Variants in CABIN1 observed in about 807,000 individuals in gnomAD.
CABIN1 encodes calcineurin binding protein 1.
A neutral mutation model predicts 227.7 loss-of-function variants in CABIN1; 133 were observed. The ratio of observed to expected loss-of-function variants is 0.58; its 90% CI spans 0.51 to 0.67. The LOEUF is 0.67. Ranked by LOEUF, CABIN1 falls within the 30% of genes least tolerant of loss-of-function variation. CABIN1 has a pLI of 0.00. For synonymous variants in CABIN1, 1,086 were observed against 1,155.1 expected, an observed-to-expected ratio of 0.94 and a Z score of 1.21; for missense variants, 2,408 against 2,852.5, an observed-to-expected ratio of 0.84 and a Z score of 3.55.
intron 16 of CABIN1, among the ~76,000 whole-genome samples, chr22:24,068,200 G>C (rs546743834): frequency 1.3e-5 from 2 of 152,236 alleles, no homozygotes; most frequent in Non-Finnish European, 2.9e-5. Flanking sequence ...GGGGAAGCAG[G>C]AGGGAGAAGG....
intron 27 of CABIN1, 95 bp downstream of exon 27, chr22:24,113,843 G>A (rs1342109904): frequency 2.1e-5 from 29 of 1,359,448 alleles, no homozygotes; most frequent in Non-Finnish European, 3.0e-5. Context: ...ACCTTGGCTG[G>A]GCAAGTCACT....
At chr22:24,176,840 G>A (rs1601320245) in intron 35 of CABIN1, among the ~76,000 whole-genome samples, 1 of 152,236 alleles carries the variant, frequency 6.6e-6, no homozygotes, top group Non-Finnish European at 1.5e-5. Context: ...AGACCACTTG[G>A]GATGGCAGGA....
chr22:24,027,022 A>G (rs147667582), intron 1 of CABIN1, among the ~76,000 whole-genome samples: 144 of 152,326 alleles, frequency 9.5e-4, no homozygotes, highest in Middle Eastern at 3.4e-3. Flanking sequence ...TCAACGTGGT[A>G]TGTCTTTCCA....
intron 16 of CABIN1, 33 bp downstream of exon 16, chr22:24,067,214 G>A: frequency 6.2e-7 from 1 of 1,606,246 alleles, no homozygotes; most frequent in Non-Finnish European, 8.5e-7. Flanking sequence ...ACACCCACTT[G>A]CACCTTCTCT....
At chr22:24,125,374 G>T (rs940598825) in intron 28 of CABIN1, among the ~76,000 whole-genome samples, 5 of 152,208 alleles carry the variant, frequency 3.3e-5, no homozygotes, top group Admixed American at 2.0e-4. Flanking sequence ...CCCCCCTGTT[G>T]TGAGTACAGT....
At chr22:24,036,255 TAG>T in intron 3 of CABIN1, 74 bp downstream of exon 3, 1 of 1,062,948 alleles carries the variant, frequency 9.4e-7, no homozygotes, top group Non-Finnish European at 1.5e-6. Flanking sequence ...TAAATACATT[TAG>T]GCATCTCCTC....
At chr22:24,171,630 C>G in intron 33 of CABIN1, 83 bp from the exon 34 acceptor site, 1 of 1,527,916 alleles carries the variant, frequency 6.5e-7, no homozygotes, top group Non-Finnish European at 9.0e-7. Context: ...TCCTGTGGGA[C>G]AGCACTGGTC....
intron 29 of CABIN1, 57 bp from the exon 30 acceptor site, chr22:24,164,343 C>A (rs2148664496): frequency 6.3e-7 from 1 of 1,592,526 alleles, no homozygotes; most frequent in Non-Finnish European, 8.5e-7. Flanking sequence ...GACAGGGTGT[C>A]CCCGAGGCTC....
chr22:24,167,363 C>T (rs1472531353), intron 32 of CABIN1, 50 bp downstream of exon 32: 2 of 1,562,802 alleles, frequency 1.3e-6, no homozygotes, highest in Non-Finnish European at 8.7e-7. Context: ...GCAGCATCCC[C>T]ACTCTTGCCT....
chr22:24,019,455 G>A (rs1019931435), intron 1 of CABIN1, among the ~76,000 whole-genome samples: 4 of 151,164 alleles, frequency 2.6e-5, no homozygotes, highest in Admixed American at 6.6e-5. Context: ...GGGTTTCACC[G>A]TGTTGGCCAG....
intron 22 of CABIN1, among the ~76,000 whole-genome samples, chr22:24,086,452 G>A (rs2041171234): frequency 6.6e-6 from 1 of 152,252 alleles, no homozygotes; most frequent in Non-Finnish European, 1.5e-5. Context: ...TGCCACAGAG[G>A]CGTGGTCTCC....
At chr22:24,142,160 G>C (rs1282423298) in intron 29 of CABIN1, among the ~76,000 whole-genome samples, 2 of 152,038 alleles carry the variant, frequency 1.3e-5, no homozygotes, top group Non-Finnish European at 2.9e-5. Context: ...TGGGTACAGT[G>C]GACCCACCTT....
At chr22:24,068,486 C>T (rs1410201740) in intron 16 of CABIN1, among the ~76,000 whole-genome samples, 1 of 152,198 alleles carries the variant, frequency 6.6e-6, no homozygotes, top group Non-Finnish European at 1.5e-5. Context: ...GCAGGATACC[C>T]CATTGATGGG....
intron 16 of CABIN1, among the ~76,000 whole-genome samples, chr22:24,068,220 G>A (rs1669818573): frequency 6.6e-6 from 1 of 152,218 alleles, no homozygotes; most frequent in Admixed American, 6.5e-5. Flanking sequence ...GGGGTGGAGG[G>A]AAGGAGGCTC....
chr22:24,164,577 C>T lies in CABIN1; in HGVS notation c.4910+14C>T, dbSNP rs777239618. On this transcript the variant is annotated intron_variant, in intron 30 of 36. Coordinates refer to ENST00000263119, the MANE Select transcript of CABIN1 (RefSeq NM_012295.4). ...AGACCAGGGCAAGTGAGTGCAGCCACCCTGGACACAGCCTGGCATGCTGTG... is the reference window on the plus strand; with the variant it reads ...AGACCAGGGCAAGTGAGTGCAGCCATCCTGGACACAGCCTGGCATGCTGTG... The T allele has an allele frequency of 1.2e-6, 2 of 1,601,908 alleles. No individual in the cohort carries two copies. The highest frequency in any genetic ancestry group is 1.7e-6 in the Non-Finnish European group (2 of 1,179,814).
chr22:24,045,125 C>T (rs1335601817), intron 6 of CABIN1, among the ~76,000 whole-genome samples: 4 of 152,200 alleles, frequency 2.6e-5, no homozygotes, highest in East Asian at 1.9e-4. Flanking sequence ...AGGGTTTCAC[C>T]GTGTTAGCCA....
At chr22:24,011,436 A>C (rs978403652) in intron 1 of CABIN1, 69 bp downstream of exon 1, 1 of 152,686 alleles carries the variant, frequency 6.5e-6, no homozygotes, top group African/African-American at 2.4e-5. Context: ...AGCCCGGGGC[A>C]CAGGCCGGAG....
chr22:24,063,257 T>C (rs1172570482), intron 14 of CABIN1, 111 bp downstream of exon 14: 23 of 1,056,624 alleles, frequency 2.2e-5, no homozygotes, highest in African/African-American at 4.7e-5. Flanking sequence ...TGTGTGTGTG[T>C]GCATGCATGT....
intron 4 of CABIN1, among the ~76,000 whole-genome samples, 182 bp from the exon 5 acceptor site, chr22:24,040,957 C>T (rs955332342): frequency 6.6e-6 from 1 of 152,144 alleles, no homozygotes; most frequent in Non-Finnish European, 1.5e-5. Context: ...CTTCTCTGTG[C>T]GCTTGGAGTA....
Sources: allele counts gnomAD v4.1 joint callset (sites outside exome capture counted in the v4.1 genomes callset), GRCh38; gene constraint gnomAD v4.1.1; transcripts MANE v1.5; gene names NCBI Gene and HGNC (gene_info 2026-07-23, HGNC 2026-07-21).